Variants in ZC3H18 observed in about 807,000 individuals in gnomAD.
The protein encoded by ZC3H18 is zinc finger CCCH-type containing 18, also known as zinc finger CCCH domain-containing protein 18.
In ZC3H18, 8 loss-of-function variants were observed where a neutral mutation model predicts 106.1. The observed-to-expected ratio is 0.08, with a 90% CI of 0.04 to 0.14. ZC3H18 has a LOEUF of 0.14. Among genes scored for constraint, ZC3H18 ranks in the 10% least tolerant of loss-of-function variants. The pLI is 1.00. For missense variants in ZC3H18, 1,318 were observed against 1,278.4 expected, an observed-to-expected ratio of 1.03 and a Z score of -0.47; for synonymous variants, 635 against 522.1, an observed-to-expected ratio of 1.22 and a Z score of -2.95.
At chr16:88,616,647 C>G (rs1356488246) in intron 8 of ZC3H18, among the ~76,000 whole-genome samples, 2 of 152,170 alleles carry the variant, frequency 1.3e-5, no homozygotes, top group East Asian at 3.9e-4. Flanking sequence ...GCTGAATTCC[C>G]TTTGCAGTAA....
In ZC3H18 at chr16:88,594,359, A is replaced by G. The variant is rs75792336; in HGVS notation, c.689-3819A>G. On this transcript the variant is annotated intron_variant, in intron 3 of 17. Transcript: ENST00000301011. ...TCGTACGTATCAATAGAAATGACAC[A>G]TATAAACCAAGTAAACACAGGGAAT... Among the ~76,000 whole-genome samples, 1,400 of 152,366 alleles carry G rather than the reference A, an allele frequency of 9.2e-3. 22 individuals carry two copies. The highest frequency in any genetic ancestry group is 0.032 in the African/African-American group (1,337 of 41,574).
In ZC3H18 at chr16:88,624,611, A is replaced by G; in HGVS notation, c.1908A>G (p.Ser636=). 1 of 1,611,410 alleles carries G rather than the reference A, an allele frequency of 6.2e-7. No individual in the cohort carries two copies. The highest frequency in any genetic ancestry group is 8.5e-7 in the Non-Finnish European group (1 of 1,178,978). Residue 636 remains serine (S), a synonymous_variant, in exon 12 of 18, where the codon TCA becomes TCG. Coordinates refer to ENST00000301011, the MANE Select transcript of ZC3H18 (RefSeq NM_144604.4). The part of the protein sequence containing the change: ...APPPGKAGEK[S]VKKPAPPPAP... ...CCTCCCTGTCTCACAGAGAGAAGTC[A>G]GTGAAGAAGCCGGCCCCGCCTCCAG...
intron 2 of ZC3H18, 127 bp from the exon 3 acceptor site, chr16:88,586,473 G>T: frequency 1.3e-6 from 1 of 780,884 alleles, no homozygotes; most frequent in Admixed American, 2.1e-5. Context: ...TTGGAAAATT[G>T]ACGTGAATTC....
chr16:88,623,529 C>T lies in ZC3H18; in HGVS notation c.1793+185C>T, dbSNP rs954444580. Reference sequence around the variant, plus strand: ...ACCAAACACCAGCCTTGCGGGCCCTCGTCCTTGTGTAGATGCGTGCTGTCA... The same window carrying T: ...ACCAAACACCAGCCTTGCGGGCCCTTGTCCTTGTGTAGATGCGTGCTGTCA... On this transcript the variant is annotated intron_variant, in intron 10 of 17. Coordinates refer to ENST00000301011, the MANE Select transcript of ZC3H18 (RefSeq NM_144604.4). 2.5e-5 allele frequency: 19 copies of T among 773,402 alleles called. No individual in the cohort carries two copies. The Admixed American group carries it at 3.6e-4, about 14-fold the overall frequency. The allele number at this position is 773,402 out of a possible 1,614,324, so 47.9% of individuals were successfully genotyped here. A position where few individuals can be genotyped will look rare whatever the true frequency, so the allele number is the denominator to read the frequency against.
Position 88,628,014 on chromosome 16 carries a change from G to A in ZC3H18, c.2364G>A (p.Gly788=). 6.2e-7 allele frequency: 1 copy of A among 1,614,190 alleles called. No homozygotes were observed. Reference sequence around the variant, plus strand: ...AATCTGCAAAACCTCCAGCAGGGGGGAAGTCCTCCCAGCAGCCCTCGACAC... The same window carrying A: ...AATCTGCAAAACCTCCAGCAGGGGGAAAGTCCTCCCAGCAGCCCTCGACAC... ...PPKSAKPPAG[G]KSSQQPSTPQ... Residue 788 remains glycine, a synonymous_variant, in exon 15 of 18, where the codon GGG becomes GGA. Coordinates refer to ENST00000301011, the MANE Select transcript of ZC3H18 (RefSeq NM_144604.4).
intron 8 of ZC3H18, among the ~76,000 whole-genome samples, chr16:88,618,157 C>T (rs1905738218): frequency 6.6e-6 from 1 of 151,598 alleles, no homozygotes; most frequent in African/African-American, 2.4e-5. Flanking sequence ...GAGAAGGTGA[C>T]GGCCACTCAG....
intron 2 of ZC3H18, among the ~76,000 whole-genome samples, chr16:88,585,455 G>A (rs1036312060): frequency 6.6e-6 from 1 of 152,214 alleles, no homozygotes; most frequent in Non-Finnish European, 1.5e-5. Context: ...CCCTGGTGGG[G>A]CACAGGGTTC....
intron 2 of ZC3H18, among the ~76,000 whole-genome samples, chr16:88,582,223 T>TC (rs1439522384): frequency 6.2e-5 from 6 of 96,888 alleles, no homozygotes; most frequent in African/African-American, 1.3e-4. Context: ...TCTTTTCTTT[T>TC]TTTTTTTTTT....
intron 1 of ZC3H18, among the ~76,000 whole-genome samples, chr16:88,573,878 GT>G (rs542150098): frequency 9.5e-5 from 14 of 147,164 alleles, no homozygotes; most frequent in South Asian, 2.2e-4. Context: ...AACCATTTAG[GT>G]TTTTTTTTTT....
In ZC3H18 at chr16:88,576,871, C is replaced by G. The variant is rs533379813; in HGVS notation, c.-14-239C>G. Among the ~76,000 whole-genome samples, 13 of 152,332 alleles carry G rather than the reference C, an allele frequency of 8.5e-5. No individual in the cohort carries two copies. In the South Asian group the frequency reaches 2.1e-3, roughly 24 times the overall value. ...CAGGCTGCGTCTCCTTCTGCCACAT[C>G]TCATTTTGCCAGATTGCCAAAAACG... On this transcript the variant is annotated intron_variant, in intron 1 of 17. Transcript: ENST00000301011.
At chr16:88,588,058 A>G (rs1481679325) in intron 3 of ZC3H18, among the ~76,000 whole-genome samples, 1 of 152,242 alleles carries the variant, frequency 6.6e-6, no homozygotes, top group East Asian at 1.9e-4. Context: ...AGAGCCGTAG[A>G]TTGTCACAGA....
intron 2 of ZC3H18, among the ~76,000 whole-genome samples, chr16:88,579,122 T>A (rs1914951537): frequency 1.3e-5 from 2 of 152,268 alleles, no homozygotes; most frequent in South Asian, 4.1e-4. Flanking sequence ...CATGTGACTT[T>A]ACGGGACGTG....
chr16:88,631,274 G>A lies in ZC3H18; in HGVS notation c.2837G>A (p.Arg946Gln), dbSNP rs1567602951. The change falls in exon 18 of 18, where the codon CGG becomes CAG. Residue 946 changes from arginine to glutamine, a missense_variant. By Grantham distance (43) the Arg-to-Gln change is conservative. Transcript: ENST00000301011. ...KAVEDAIARK[R>Q]AKIPGKA is the part of the protein sequence containing the mutation. ...GTGGAGGATGCTATTGCACGCAAGC[G>A]GGCCAAGATCCCCGGGAAAGCATAG... 1.3e-6 allele frequency: 2 copies of A among 1,597,510 alleles called. No homozygotes were observed. Among genetic ancestry groups the A allele is most frequent in the Non-Finnish European group, 1.7e-6 (2 of 1,172,524 alleles).
chr16:88,623,969 T>C lies in ZC3H18; in HGVS notation c.1805T>C (p.Phe602Ser). 1 of 1,612,154 alleles carries C rather than the reference T, an allele frequency of 6.2e-7. No homozygotes were observed. Among genetic ancestry groups the C allele is most frequent in the South Asian group, 1.1e-5 (1 of 90,938 alleles). Residue 602 changes from phenylalanine (F) to serine (S), a missense_variant, in exon 11 of 18, where the codon TTC becomes TCC. By Grantham distance (155) the Phe-to-Ser change is radical. Transcript: ENST00000301011. The stretch of plus-strand genomic sequence containing the variant: ...GTTCACTCCCCTAGGTCCCGGTCCT[T>C]CTCTTCGTCCCCGTCCCCGTCCCCA... ...FSGSRSRSRS[F>S]SSSPSPSPTP...
chr16:88,624,761 TCCGGGG>T lies in ZC3H18; in HGVS notation c.2042+19_2042+24del. Reference sequence around the variant, plus strand: ...CCCCCAGGAGGTGAGCACTCCGGCGTCCGGGGCCCTCAGGCTTTCCGTGTTCTTGGT... The same window carrying T: ...CCCCCAGGAGGTGAGCACTCCGGCGTCCCTCAGGCTTTCCGTGTTCTTGGT... On this transcript the variant is annotated intron_variant, in intron 12 of 17. Transcript: ENST00000301011. The T allele has an allele frequency of 6.2e-7, 1 of 1,601,318 alleles. No homozygotes were observed. The highest frequency in any genetic ancestry group is 8.5e-7 in the Non-Finnish European group (1 of 1,174,928).
intron 11 of ZC3H18, 154 bp downstream of exon 11, chr16:88,624,216 C>T: frequency 9.9e-7 from 1 of 1,007,844 alleles, no homozygotes; most frequent in Non-Finnish European, 1.4e-6. Context: ...CTGGGAGGCA[C>T]TGGGCACAGC....
At position 88,622,369 on chromosome 16, in the gene ZC3H18, T is replaced by C; in HGVS notation, c.1648T>C (p.Ser550Pro). Residue 550 changes from serine (S) to proline (P), a missense_variant, in exon 9 of 18, where the codon TCT becomes CCT. Ser to Pro is a moderately conservative substitution (Grantham distance 74, BLOSUM62 -1). Coordinates refer to ENST00000301011, the MANE Select transcript of ZC3H18 (RefSeq NM_144604.4). ...TCGGAAAACATCAGCCTCGTCAGCC[T>C]CTGCCTCTAATTCCTCCAGGTAAGG... ...RRRKTSASSA[S>P]ASNSSRSSSR... is the part of the protein sequence containing the mutation. The C allele has an allele frequency of 6.2e-7, 1 of 1,610,768 alleles. No individual in the cohort carries two copies. The highest frequency in any genetic ancestry group is 1.1e-5 in the South Asian group (1 of 90,560).
At chr16:88,630,922 G>A (rs1906646276) in intron 17 of ZC3H18, among the ~76,000 whole-genome samples, 179 bp from the exon 18 acceptor site, 1 of 152,222 alleles carries the variant, frequency 6.6e-6, no homozygotes, top group Admixed American at 6.5e-5. Flanking sequence ...CACAAAGCCC[G>A]GGAGCCAGTG....
intron 2 of ZC3H18, among the ~76,000 whole-genome samples, chr16:88,581,958 A>C (rs1273051247): frequency 6.6e-6 from 1 of 152,122 alleles, no homozygotes; most frequent in Non-Finnish European, 1.5e-5. Context: ...TTTGATTAGC[A>C]GGCCTTCCGT....
Sources: allele counts gnomAD v4.1 joint callset (sites outside exome capture counted in the v4.1 genomes callset), GRCh38; gene constraint gnomAD v4.1.1; transcripts MANE v1.5; gene names NCBI Gene and HGNC (gene_info 2026-07-23, HGNC 2026-07-21).